The following VTI1A variants were observed in gnomAD, a reference collection of about 807,000 sequenced individuals.
The protein encoded by VTI1A is vesicle transport through interaction with t-SNAREs 1A.
In VTI1A, 22 loss-of-function variants were observed where a neutral mutation model predicts 34.9. The ratio of observed to expected loss-of-function variants is 0.63; its 90% CI spans 0.45 to 0.90. The LOEUF (loss-of-function observed/expected upper bound fraction) is 0.90. Ranked by LOEUF, VTI1A falls within the 40% of genes least tolerant of loss-of-function variation. The pLI is 0.00. For missense variants in VTI1A, 268 were observed against 275.6 expected (o/e 0.97, Z 0.20); for synonymous variants, 87 against 97.3 (o/e 0.89, Z 0.62).
At chr10:112,468,045 C>A (rs1847957172) in intron 3 of VTI1A, among the ~76,000 whole-genome samples, 1 of 152,098 alleles carries the variant, frequency 6.6e-6, no homozygotes, top group Non-Finnish European at 1.5e-5. Flanking sequence ...GAGTGACCAG[C>A]AGGGTGATTG....
intron 5 of VTI1A, among the ~76,000 whole-genome samples, chr10:112,606,701 A>T (rs545454960): frequency 1.3e-5 from 2 of 152,216 alleles, no homozygotes; most frequent in Admixed American, 6.5e-5. Flanking sequence ...ACTTGAACAG[A>T]CACTTACATT....
intron 5 of VTI1A, among the ~76,000 whole-genome samples, chr10:112,618,118 T>G (rs926504727): frequency 6.6e-6 from 1 of 152,058 alleles, no homozygotes; most frequent in Admixed American, 6.6e-5. Context: ...GGTGCCATTG[T>G]ACTCCAGCTT....
At chr10:112,553,931 A>T (rs1851457594) in intron 5 of VTI1A, among the ~76,000 whole-genome samples, 1 of 152,222 alleles carries the variant, frequency 6.6e-6, no homozygotes, top group South Asian at 2.1e-4. Flanking sequence ...ACTGCCTCAT[A>T]CATCATCAGT....
intron 5 of VTI1A, among the ~76,000 whole-genome samples, chr10:112,634,713 C>T (rs1209271847): frequency 2.0e-5 from 3 of 151,998 alleles, no homozygotes; most frequent in South Asian, 2.1e-4. Flanking sequence ...AAATCTTCTA[C>T]GTAATTATCT....
At chr10:112,758,082 T>C (rs940994765) in intron 7 of VTI1A, among the ~76,000 whole-genome samples, 1 of 152,206 alleles carries the variant, frequency 6.6e-6, no homozygotes, top group Non-Finnish European at 1.5e-5. Flanking sequence ...ATAGCAGTTA[T>C]GCAATAACTA....
At chr10:112,451,727 G>A (rs767335269) in intron 1 of VTI1A, among the ~76,000 whole-genome samples, 1 of 152,136 alleles carries the variant, frequency 6.6e-6, no homozygotes, top group African/African-American at 2.4e-5. Flanking sequence ...GTAGATGAAG[G>A]CATAAACATA....
At chr10:112,457,294 T>G (rs904799327) in intron 1 of VTI1A, among the ~76,000 whole-genome samples, 1 of 152,242 alleles carries the variant, frequency 6.6e-6, no homozygotes, top group African/African-American at 2.4e-5. Flanking sequence ...TTGCAAATTC[T>G]TGCTGTGTCC....
chr10:112,652,184 G>A (rs529260642), intron 5 of VTI1A, among the ~76,000 whole-genome samples: 23 of 152,332 alleles, frequency 1.5e-4, no homozygotes, highest in African/African-American at 5.3e-4. Flanking sequence ...AAACTTTAGC[G>A]TAGACAAGCC....
At chr10:112,559,730 A>G (rs1851658339) in intron 5 of VTI1A, among the ~76,000 whole-genome samples, 1 of 152,198 alleles carries the variant, frequency 6.6e-6, no homozygotes, top group South Asian at 2.1e-4. Context: ...GCTTACTTCA[A>G]TAAAATGTTA....
chr10:112,721,774 G>A (rs1849814153), intron 7 of VTI1A, among the ~76,000 whole-genome samples: 1 of 151,818 alleles, frequency 6.6e-6, no homozygotes. Context: ...GTTATAGGGA[G>A]GCTAATTTTG....
intron 7 of VTI1A, among the ~76,000 whole-genome samples, chr10:112,796,813 T>TTGATCC (rs1408381246): frequency 6.6e-6 from 1 of 152,244 alleles, no homozygotes; most frequent in East Asian, 1.9e-4. Context: ...AGTGAATACA[T>TTGATCC]TGATCCTTTT....
intron 7 of VTI1A, among the ~76,000 whole-genome samples, chr10:112,676,020 A>G (rs1006422446): frequency 2.6e-5 from 4 of 152,322 alleles, no homozygotes; most frequent in Admixed American, 6.5e-5. Flanking sequence ...GCCAGGAAAC[A>G]TTGAGGTATT....
intron 5 of VTI1A, among the ~76,000 whole-genome samples, chr10:112,557,160 A>T (rs963407252): frequency 5.3e-5 from 8 of 152,256 alleles, no homozygotes; most frequent in Non-Finnish European, 1.2e-4. Context: ...TATTCTTAAT[A>T]GCCTCTTTTA....
chr10:112,776,377 G>A (rs1237568990), intron 7 of VTI1A, among the ~76,000 whole-genome samples: 2 of 152,140 alleles, frequency 1.3e-5, no homozygotes, highest in African/African-American at 4.8e-5. Context: ...CTGCAACCTT[G>A]GGGAGCTCAG....
intron 5 of VTI1A, among the ~76,000 whole-genome samples, chr10:112,665,959 T>C (rs1293734005): frequency 2.6e-5 from 4 of 152,182 alleles, no homozygotes; most frequent in Non-Finnish European, 5.9e-5. Flanking sequence ...AGTATTTTGC[T>C]GAAATAATTG....
At chr10:112,547,641 T>C (rs1179366572) in intron 5 of VTI1A, among the ~76,000 whole-genome samples, 1 of 152,168 alleles carries the variant, frequency 6.6e-6, no homozygotes, top group Non-Finnish European at 1.5e-5. Flanking sequence ...TATAGGAATA[T>C]ACTTCCACTG....
intron 1 of VTI1A, among the ~76,000 whole-genome samples, 184 bp downstream of exon 1, chr10:112,447,651 C>G (rs1009572204): frequency 4.6e-5 from 7 of 152,060 alleles, no homozygotes; most frequent in African/African-American, 1.7e-4. Context: ...TGTGGGGTGC[C>G]GTGAAAAGAG....
Position 112,750,169 on chromosome 10 carries a change from C to CTT in VTI1A, c.561-65110_561-65109dup, listed in dbSNP as rs565737346. 6.7e-3 allele frequency among the ~76,000 whole-genome samples: 977 copies of CTT among 145,466 alleles called. 14 individuals carry two copies. The highest frequency in any genetic ancestry group is 0.023 in the African/African-American group (924 of 40,076). On this transcript the variant is annotated intron_variant, in intron 7 of 7. Coordinates refer to ENST00000393077, the MANE Select transcript of VTI1A (RefSeq NM_145206.4). The stretch of plus-strand genomic sequence containing the variant: ...CTTTGGGGAGAAACAAAGAGACTGA[C>CTT]TTTTTTTTTTTTAGTTTTGTTTTTG...
At chr10:112,483,506 G>A (rs925121976) in intron 3 of VTI1A, among the ~76,000 whole-genome samples, 4 of 152,166 alleles carry the variant, frequency 2.6e-5, no homozygotes, top group Non-Finnish European at 5.9e-5. Flanking sequence ...TAGTGGTAAT[G>A]GTAAGTCTTT....
Sources: gnomAD v4.1 joint callset for allele counts (sites outside exome capture counted in the v4.1 genomes callset) on GRCh38, gnomAD v4.1.1 for gene constraint, MANE v1.5 for transcripts, NCBI Gene and HGNC (gene_info 2026-07-23, HGNC 2026-07-21) for gene names.